The following TLE4 variants were observed in gnomAD, a reference collection of about 807,000 sequenced individuals.
The protein encoded by TLE4 is TLE family member 4, transcriptional corepressor.
Under a neutral mutation model 92.8 loss-of-function variants are expected in TLE4, and 8 were observed. The ratio of observed to expected loss-of-function variants is 0.09; its 90% CI spans 0.05 to 0.16. The LOEUF (loss-of-function observed/expected upper bound fraction) is 0.16. Among genes scored for constraint, TLE4 ranks in the 10% least tolerant of loss-of-function variants. TLE4 has a pLI of 1.00. For synonymous variants in TLE4, 371 were observed against 374.1 expected (o/e 0.99, Z 0.10); for missense variants, 675 against 997.6 (o/e 0.68, Z 4.36).
intron 4 of TLE4, chr9:79,580,012 A>G (rs1010190449): frequency 6.6e-6 from 1 of 152,170 alleles, no homozygotes; most frequent in African/African-American, 2.4e-5. Context: ...GCAATAAGAT[A>G]TTGATTTCTG....
In TLE4 at chr9:79,612,610, A is replaced by G. The variant is rs2048612370; in HGVS notation, c.253-46A>G. The G allele has an allele frequency of 2.0e-6, 3 of 1,528,174 alleles. No homozygotes were observed. The Admixed American group carries it at 5.0e-5, about 26-fold the overall frequency. 94.7% of individuals were successfully genotyped at this position (1,528,174 alleles called of 1,614,324 possible). ...GTTAATATTTGGGGAATCTGTAACC[A>G]GCTGACTGTTCTCTTTATTGCTTTC... On this transcript the variant is annotated intron_variant, in intron 4 of 19. Transcript: ENST00000376552.
chr9:79,574,991 C>T, intron 3 of TLE4, 55 bp downstream of exon 3: 2 of 1,485,742 alleles, frequency 1.3e-6, no homozygotes, highest in Non-Finnish European at 1.9e-6. Context: ...ATACCAAAAA[C>T]AAGAATATGT....
At chr9:79,675,412 T>C (rs534264357) in intron 8 of TLE4, among the ~76,000 whole-genome samples, 3 of 152,334 alleles carry the variant, frequency 2.0e-5, no homozygotes, top group South Asian at 2.1e-4. Flanking sequence ...AGGAATTAAG[T>C]TGAGGGCTGC....
chr9:79,628,247 A>G (rs1473440085), intron 6 of TLE4, among the ~76,000 whole-genome samples: 1 of 152,072 alleles, frequency 6.6e-6, no homozygotes, highest in East Asian at 1.9e-4. Context: ...AGACACTACA[A>G]CTGCACTTTC....
chr9:79,610,975 C>G (rs2133016739), intron 4 of TLE4, among the ~76,000 whole-genome samples: 1 of 152,108 alleles, frequency 6.6e-6, no homozygotes, highest in South Asian at 2.1e-4. Flanking sequence ...GCAGATGGTT[C>G]TAAGCATTAG....
intron 4 of TLE4, among the ~76,000 whole-genome samples, chr9:79,582,903 G>A (rs146123303): frequency 3.4e-4 from 52 of 152,226 alleles, no homozygotes; most frequent in African/African-American, 1.1e-3. Context: ...GCACATTTAC[G>A]CATGGGCAAT....
intron 4 of TLE4, among the ~76,000 whole-genome samples, chr9:79,594,852 G>T (rs1054492717): frequency 6.6e-6 from 1 of 152,134 alleles, no homozygotes; most frequent in Admixed American, 6.5e-5. Flanking sequence ...TTTATTAAGC[G>T]TAAGTTTAAG....
At chr9:79,589,386 A>G (rs1188160847) in intron 4 of TLE4, among the ~76,000 whole-genome samples, 1 of 151,516 alleles carries the variant, frequency 6.6e-6, no homozygotes, top group African/African-American at 2.4e-5. Flanking sequence ...GAATAGAGAT[A>G]TTACATGATC....
At chr9:79,699,015 A>T (rs1290837820) in intron 8 of TLE4, among the ~76,000 whole-genome samples, 2 of 152,026 alleles carry the variant, frequency 1.3e-5, no homozygotes, top group Non-Finnish European at 2.9e-5. Context: ...TCCAAGCAGA[A>T]CTAGCTGGGT....
rs947971071 is a variant in TLE4, at chr9:79,724,849, T to TAAAAAAAAAAAAAA, written c.2215-169_2215-156dup. On this transcript the variant is annotated intron_variant, in intron 19 of 19. Transcript: ENST00000376552. ...GTGACTGAGGGAGACCCTGTCTTAT[T>TAAAAAAAAAAAAAA]AAAAAAAAAAAAAAAAAAAAAAAAA... Among the ~76,000 whole-genome samples, 10 of 25,988 alleles carry TAAAAAAAAAAAAAA rather than the reference T, an allele frequency of 3.8e-4. 4 individuals carry two copies. Among genetic ancestry groups the TAAAAAAAAAAAAAA allele is most frequent in the African/African-American group, 1.3e-3 (8 of 6,174 alleles). 17.0% of individuals were successfully genotyped at this position (25,988 alleles called of 152,430 possible). A position where few individuals can be genotyped will look rare whatever the true frequency, so the allele number is the denominator to read the frequency against.
chr9:79,589,396 C>A (rs1191541645), intron 4 of TLE4, among the ~76,000 whole-genome samples: 1 of 151,534 alleles, frequency 6.6e-6, no homozygotes, highest in Non-Finnish European at 1.5e-5. Context: ...ATTACATGAT[C>A]CTTTGTAATC....
At position 79,575,240 on chromosome 9, in the gene TLE4, G is replaced by GT. The variant is rs1461415467; in HGVS notation, c.207+309dup. The stretch of plus-strand genomic sequence containing the variant: ...TGTTTGTTTTGTCACAAGCAAAAAT[G>GT]TTTTTGTGTTAGTGGCTTTCTTTGT... On this transcript the variant is annotated intron_variant, in intron 3 of 19. Transcript: ENST00000376552. 6.6e-5 allele frequency among the ~76,000 whole-genome samples: 10 copies of GT among 152,250 alleles called. 1 individual carries two copies. In the Middle Eastern group the frequency reaches 0.031, roughly 466 times the overall value.
chr9:79,670,870 G>GT (rs936881515), intron 8 of TLE4, among the ~76,000 whole-genome samples: 32 of 148,382 alleles, frequency 2.2e-4, no homozygotes, highest in East Asian at 7.9e-4. Context: ...GTCCTTATTG[G>GT]TTTTTTTTTT....
intron 8 of TLE4, among the ~76,000 whole-genome samples, chr9:79,668,611 T>C (rs930231525): frequency 6.6e-6 from 1 of 152,116 alleles, no homozygotes; most frequent in East Asian, 1.9e-4. Context: ...ACAACAGAAA[T>C]AGTTTCCAGA....
intron 8 of TLE4, among the ~76,000 whole-genome samples, chr9:79,666,764 CACA>C (rs2061471886): frequency 6.6e-6 from 1 of 152,160 alleles, no homozygotes; most frequent in Non-Finnish European, 1.5e-5. Flanking sequence ...TTCTTAGACA[CACA>C]ACATTACATG....
intron 6 of TLE4, among the ~76,000 whole-genome samples, chr9:79,651,438 G>A (rs1462456641): frequency 2.0e-5 from 3 of 152,034 alleles, no homozygotes; most frequent in Non-Finnish European, 4.4e-5. Context: ...GCCTCTTGAG[G>A]GCTTTCTCTA....
intron 8 of TLE4, among the ~76,000 whole-genome samples, chr9:79,700,877 CTG>C (rs1263613137): frequency 2.0e-5 from 3 of 152,080 alleles, no homozygotes; most frequent in African/African-American, 7.2e-5. Flanking sequence ...CACACTCAAA[CTG>C]TAGTGAGAAA....
intron 14 of TLE4, chr9:79,717,965 G>C (rs1034822712): frequency 2.2e-6 from 1 of 456,528 alleles, no homozygotes; most frequent in South Asian, 1.5e-5. Flanking sequence ...GAGTCTGTTG[G>C]GGGAGACGCT....
rs115027429 is a variant in TLE4, at chr9:79,693,453, G to A, written c.610-11330G>A. On this transcript the variant is annotated intron_variant, in intron 8 of 19. Coordinates refer to ENST00000376552, the MANE Select transcript of TLE4 (RefSeq NM_007005.6). ...TGACATGCCATTTGTTTAATCCCAT[G>A]CTCCTGGATACTTGCTTGTACGCAT... is the stretch of plus-strand genomic sequence containing the variant. 3.1e-3 allele frequency among the ~76,000 whole-genome samples: 471 copies of A among 152,238 alleles called. 1 individual carries two copies. The highest frequency in any genetic ancestry group is 0.011 in the African/African-American group (439 of 41,546).
Sources: gnomAD v4.1 joint callset for allele counts (sites outside exome capture counted in the v4.1 genomes callset) on GRCh38, gnomAD v4.1.1 for gene constraint, MANE v1.5 for transcripts, NCBI Gene and HGNC (gene_info 2026-07-23, HGNC 2026-07-21) for gene names.